The following CCDC88C variants were observed in gnomAD, a reference collection of about 807,000 sequenced individuals.
The protein encoded by CCDC88C is protein Daple.
Under a neutral mutation model 198.8 loss-of-function variants are expected in CCDC88C, and 131 were observed. That is an observed-to-expected ratio of 0.66 (90% CI 0.57 to 0.76). The LOEUF (loss-of-function observed/expected upper bound fraction) is 0.76. CCDC88C is among the 30% of genes least tolerant of loss of function. The pLI, the probability that CCDC88C is intolerant of heterozygous loss-of-function variation, is 0.00. For missense variants in CCDC88C, 2,553 were observed against 2,631.6 expected, an observed-to-expected ratio of 0.97 and a Z score of 0.65; for synonymous variants, 1,166 against 1,114.7, an observed-to-expected ratio of 1.05 and a Z score of -0.92.
At chr14:91,315,827 C>T in intron 13 of CCDC88C, 40 bp from the exon 14 acceptor site, 9 of 1,595,198 alleles carry the variant, frequency 5.6e-6, no homozygotes, top group Non-Finnish European at 7.7e-6. Context: ...AGACATCAGT[C>T]CTACGAAGTG....
chr14:91,289,901 C>T (rs369122780), intron 24 of CCDC88C, among the ~76,000 whole-genome samples: 25 of 152,242 alleles, frequency 1.6e-4, no homozygotes, highest in East Asian at 1.5e-3. Context: ...GTCTCTGAAA[C>T]GAAACAGCAT....
rs762308208 is a variant in CCDC88C at position 91,309,952 on chromosome 14, A to G, written c.2771T>C (p.Leu924Pro). 2 of 1,603,654 alleles carry G rather than the reference A, an allele frequency of 1.2e-6. No individual in the cohort carries two copies. Among genetic ancestry groups the G allele is most frequent in the Non-Finnish European group, 1.7e-6 (2 of 1,175,194 alleles). ...GCTCAGCTTGTCCAGCTCACTGCTG[A>G]GCTGCTGGCTCTTCAGCTTCTCGAG... ...LVLEKLKSQQ[L>P]SSELDKLSQE... The change falls in exon 16 of 30, where the codon CTC becomes CCC. Residue 924 changes from leucine to proline, a missense_variant. Coordinates refer to ENST00000389857, the MANE Select transcript of CCDC88C (RefSeq NM_001080414.4).
chr14:91,296,666 TG>T (rs1891017077), intron 22 of CCDC88C, among the ~76,000 whole-genome samples: 1 of 152,218 alleles, frequency 6.6e-6, no homozygotes, highest in African/African-American at 2.4e-5. Context: ...CTGAGGGATC[TG>T]GGCAAAAGGC....
intron 3 of CCDC88C, 107 bp from the exon 4 acceptor site, chr14:91,359,818 C>A: frequency 1.0e-6 from 1 of 955,640 alleles, no homozygotes; most frequent in South Asian, 1.4e-5. Flanking sequence ...GCACAGCCAT[C>A]CCGTGGTGAC....
intron 3 of CCDC88C, among the ~76,000 whole-genome samples, chr14:91,390,516 GCACAGGCTGC>G (rs1360521166): frequency 1.3e-5 from 2 of 152,194 alleles, no homozygotes; most frequent in Non-Finnish European, 2.9e-5. Context: ...GGGCAGTGAC[GCACAGGCTGC>G]CACAGGGCCC....
intron 22 of CCDC88C, 100 bp from the exon 23 acceptor site, chr14:91,294,418 T>C: frequency 7.3e-7 from 1 of 1,369,588 alleles, no homozygotes. Flanking sequence ...CACAAAGATG[T>C]TCAACGCAGC....
chr14:91,291,925 G>C (rs1272318696), intron 23 of CCDC88C, among the ~76,000 whole-genome samples: 1 of 152,172 alleles, frequency 6.6e-6, no homozygotes, highest in Admixed American at 6.5e-5. Flanking sequence ...AGGGAGTCAC[G>C]GGGCTGCGCC....
intron 3 of CCDC88C, among the ~76,000 whole-genome samples, chr14:91,392,272 T>A (rs145352858): frequency 6.6e-6 from 1 of 152,134 alleles, no homozygotes; most frequent in African/African-American, 2.4e-5. Context: ...CACCCTTTCC[T>A]ACATGCCACC....
chr14:91,291,567 GAGA>G (rs142491704), intron 23 of CCDC88C, among the ~76,000 whole-genome samples: 2,241 of 152,278 alleles, frequency 0.015, 35 homozygotes, highest in Middle Eastern at 0.024. Context: ...GAAGCAAACT[GAGA>G]AGCTTTCAGG....
At chr14:91,368,361 A>G (rs1199129937) in intron 3 of CCDC88C, among the ~76,000 whole-genome samples, 1 of 152,254 alleles carries the variant, frequency 6.6e-6, no homozygotes, top group East Asian at 1.9e-4. Flanking sequence ...AATTTGTTTT[A>G]GAATTTTCCA....
intron 25 of CCDC88C, chr14:91,285,606 TG>T: frequency 8.0e-7 from 1 of 1,244,076 alleles, no homozygotes; most frequent in Non-Finnish European, 1.0e-6. Flanking sequence ...TGGCTTTTTT[TG>T]TTTGTTTGAA....
At position 91,314,168 on chromosome 14, in the gene CCDC88C, A is replaced by G. The variant is rs774429392; in HGVS notation, c.1666-18T>C. 1 of 1,587,228 alleles carries G rather than the reference A, an allele frequency of 6.3e-7. No homozygotes were observed. Among genetic ancestry groups the G allele is most frequent in the Non-Finnish European group, 8.6e-7 (1 of 1,165,538 alleles). On this transcript the variant is annotated intron_variant, in intron 14 of 29. Transcript: ENST00000389857. ...TCCTTGATCTACGGGAAAACACAACAGGCACAACCCAGGCTGCTGCAGGAA... is the reference window on the plus strand; with the variant it reads ...TCCTTGATCTACGGGAAAACACAACGGGCACAACCCAGGCTGCTGCAGGAA...
In CCDC88C at chr14:91,288,501, C is replaced by T. The variant is rs1043695665; in HGVS notation, c.4441+604G>A. ...TTCTACAAATCTGGCACATACGAGG[C>T]AGCCCAAAATAAGCTATGTCGCTTG... On this transcript the variant is annotated intron_variant, in intron 25 of 29. Transcript: ENST00000389857. The surrounding 1 kb of genome is among the most constrained non-coding windows in gnomAD (Gnocchi z 4.2). Among the ~76,000 whole-genome samples the T allele has an allele frequency of 6.6e-6, 1 of 152,244 alleles. No individual in the cohort carries two copies. The highest frequency in any genetic ancestry group is 2.4e-5 in the African/African-American group (1 of 41,470).
intron 3 of CCDC88C, among the ~76,000 whole-genome samples, chr14:91,384,917 C>G (rs1485573634): frequency 6.6e-6 from 1 of 152,174 alleles, no homozygotes; most frequent in Non-Finnish European, 1.5e-5. Flanking sequence ...GCACCATCCA[C>G]CCAACGGCAA....
intron 3 of CCDC88C, among the ~76,000 whole-genome samples, chr14:91,362,193 C>G (rs1360635624): frequency 6.6e-6 from 1 of 150,850 alleles, no homozygotes; most frequent in Non-Finnish European, 1.5e-5. Flanking sequence ...GAGATCGCAC[C>G]ACTGCACTCC....
At chr14:91,317,320 G>A (rs1210709852) in intron 13 of CCDC88C, among the ~76,000 whole-genome samples, 1 of 152,204 alleles carries the variant, frequency 6.6e-6, no homozygotes, top group East Asian at 1.9e-4. Context: ...AGCCAGGTTG[G>A]CACTAGGGGC....
chr14:91,396,783 T>G (rs927719959), intron 3 of CCDC88C, among the ~76,000 whole-genome samples: 2 of 151,972 alleles, frequency 1.3e-5, no homozygotes, highest in African/African-American at 4.8e-5. Context: ...AGAAACAACT[T>G]CAGGAGTTCG....
At chr14:91,287,385 CTG>C (rs989912748) in intron 25 of CCDC88C, among the ~76,000 whole-genome samples, 5 of 152,178 alleles carry the variant, frequency 3.3e-5, no homozygotes, top group African/African-American at 1.2e-4. Flanking sequence ...GGGTGTCACT[CTG>C]TCACCCAGGC....
rs1303306907 is a variant in CCDC88C at position 91,284,256 on chromosome 14, C to A, written c.4442-739G>T. Among the ~76,000 whole-genome samples the A allele has an allele frequency of 6.6e-6, 1 of 152,186 alleles. No individual in the cohort carries two copies. On this transcript the variant is annotated intron_variant, in intron 25 of 29. Coordinates refer to ENST00000389857, the MANE Select transcript of CCDC88C (RefSeq NM_001080414.4). The surrounding 1 kb of genome is among the most constrained non-coding windows in gnomAD (Gnocchi z 4.1). The stretch of plus-strand genomic sequence containing the variant: ...TCCTAAGAGCTGACAAAGCACTTTG[C>A]AGAGCGTCCCACTCCGTGTGCAGAG...
Sources: allele counts gnomAD v4.1 joint callset (sites outside exome capture counted in the v4.1 genomes callset), GRCh38; gene constraint gnomAD v4.1.1; non-coding constraint Gnocchi (gnomAD v3.1); transcripts MANE v1.5; gene names NCBI Gene and HGNC (gene_info 2026-07-23, HGNC 2026-07-21).